Variants in ZYG11A observed in about 807,000 individuals in gnomAD.
ZYG11A encodes the protein zyg-11 family member A, cell cycle regulator.
A neutral mutation model predicts 77.2 loss-of-function variants in ZYG11A; 62 were observed. The observed-to-expected ratio is 0.80, with a 90% confidence interval of 0.65 to 0.99. ZYG11A has a LOEUF of 0.99. Ranked by LOEUF, ZYG11A falls within the 50% of genes least tolerant of loss-of-function variation. ZYG11A has a pLI of 0.00. For synonymous variants in ZYG11A, 315 were observed against 324.6 expected (o/e 0.97, Z 0.32); for missense variants, 828 against 896.8 (o/e 0.92, Z 0.98).
At chr1:52,859,232 A>G (rs1439444504) in intron 3 of ZYG11A, among the ~76,000 whole-genome samples, 1 of 152,012 alleles carries the variant, frequency 6.6e-6, no homozygotes, top group Non-Finnish European at 1.5e-5. Flanking sequence ...CAGTGGTCCG[A>G]TCTTGGCTCA....
intron 10 of ZYG11A, among the ~76,000 whole-genome samples, chr1:52,880,931 G>C (rs1316477180): frequency 6.6e-6 from 1 of 152,160 alleles, no homozygotes; most frequent in Non-Finnish European, 1.5e-5. Context: ...ACAGAAACCA[G>C]GGAATCATAA....
At chr1:52,883,397 TA>T (rs1305549865) in intron 11 of ZYG11A, among the ~76,000 whole-genome samples, 1 of 151,696 alleles carries the variant, frequency 6.6e-6, no homozygotes, top group African/African-American at 2.4e-5. Flanking sequence ...GTGCTAGGAT[TA>T]CAGGTGTGAG....
At chr1:52,860,023 G>A (rs1197709587) in intron 3 of ZYG11A, among the ~76,000 whole-genome samples, 1 of 152,076 alleles carries the variant, frequency 6.6e-6, no homozygotes, top group Admixed American at 6.6e-5. Flanking sequence ...TTGAAATTGG[G>A]TAATGTGACT....
intron 11 of ZYG11A, 196 bp downstream of exon 11, chr1:52,881,861 C>A: frequency 6.7e-6 from 3 of 450,574 alleles, no homozygotes; most frequent in Middle Eastern, 6.1e-4. Context: ...TCCTCTTTCT[C>A]ATCAGCTTTT....
intron 13 of ZYG11A, among the ~76,000 whole-genome samples, chr1:52,887,426 T>C (rs1362579245): frequency 6.6e-6 from 1 of 152,168 alleles, no homozygotes; most frequent in Non-Finnish European, 1.5e-5. Context: ...CATGCTGTCC[T>C]ATAGCTTGGT....
intron 1 of ZYG11A, among the ~76,000 whole-genome samples, chr1:52,847,748 C>T (rs191553452): frequency 2.3e-4 from 35 of 151,166 alleles, no homozygotes; most frequent in Admixed American, 7.9e-4. Flanking sequence ...CGGTTCGCTG[C>T]AACCTCTGCC....
rs1325973925 is a variant in ZYG11A at position 52,894,310 on chromosome 1, C to T, written c.*1353C>T. The T allele has an allele frequency of 1.3e-5, 2 of 152,132 alleles. No individual in the cohort carries two copies. The highest frequency in any genetic ancestry group is 2.9e-5 in the Non-Finnish European group (2 of 68,024). 9.4% of individuals were successfully genotyped at this position (152,132 alleles called of 1,614,324 possible). On this transcript the variant is annotated 3_prime_UTR_variant, in exon 14 of 14. Coordinates refer to ENST00000371528, the MANE Select transcript of ZYG11A (RefSeq NM_001004339.3). ...ACCATGACCAAAAATGGTAGGAAGA[C>T]GAAAGGCCAGAAAGAGACTTTGCCA...
At chr1:52,887,125 ATGGATGTGC>A in intron 13 of ZYG11A, 72 bp downstream of exon 13, 1 of 796,938 alleles carries the variant, frequency 1.3e-6, no homozygotes, top group African/African-American at 1.7e-5. Context: ...TAAGTTCAAG[ATGGATGTGC>A]AAAAATTGTC....
At chr1:52,846,305 A>AATTTATTT (rs1558155650) in intron 1 of ZYG11A, among the ~76,000 whole-genome samples, 2 of 37,380 alleles carry the variant, frequency 5.4e-5, no homozygotes, top group African/African-American at 1.5e-4. Flanking sequence ...TGGCTTTTTA[A>AATTTATTT]ATTTTTATAT....
intron 5 of ZYG11A, among the ~76,000 whole-genome samples, chr1:52,865,858 A>G (rs1413814165): frequency 1.3e-5 from 2 of 151,694 alleles, no homozygotes; most frequent in Admixed American, 1.3e-4. Context: ...GAAGTATTAT[A>G]TCTTGATTGT....
At chr1:52,845,269 C>T (rs1384934078) in intron 1 of ZYG11A, among the ~76,000 whole-genome samples, 4 of 149,980 alleles carry the variant, frequency 2.7e-5, no homozygotes, top group East Asian at 3.9e-4. Flanking sequence ...CTCTTGTAAA[C>T]AGCAATCTTG....
At chr1:52,870,248 C>A (rs551710559) in intron 8 of ZYG11A, among the ~76,000 whole-genome samples, 5 of 143,336 alleles carry the variant, frequency 3.5e-5, no homozygotes, top group Non-Finnish European at 7.8e-5. Flanking sequence ...AGAGACGCTC[C>A]TCACTTTCCA....
intron 8 of ZYG11A, among the ~76,000 whole-genome samples, chr1:52,874,774 G>A (rs1646233180): frequency 6.6e-6 from 1 of 152,184 alleles, no homozygotes; most frequent in Non-Finnish European, 1.5e-5. Flanking sequence ...GGCTGAGGCA[G>A]GAGAATCCCT....
Position 52,857,704 on chromosome 1 carries a change from G to A in ZYG11A, c.963G>A (p.Thr321=), listed in dbSNP as rs776280042. 127 of 1,551,842 alleles carry A rather than the reference G, an allele frequency of 8.2e-5. 2 individuals carry two copies. In the South Asian group the frequency reaches 1.3e-3, roughly 15 times the overall value. The change falls in exon 3 of 14, where the codon ACG becomes ACA. Residue 321 remains threonine (T), a synonymous_variant. Coordinates refer to ENST00000371528, the MANE Select transcript of ZYG11A (RefSeq NM_001004339.3). The part of the protein sequence containing the change: ...PAMQFVGLLA[T]DAGSSDFFTT... ...TGCAATTTGTGGGACTATTGGCCAC[G>A]GATGCTGGCTCTTCTGACTTCTTTA... is the stretch of plus-strand genomic sequence containing the variant.
At chr1:52,864,350 A>G (rs531864509) in intron 5 of ZYG11A, among the ~76,000 whole-genome samples, 193 bp downstream of exon 5, 14 of 152,150 alleles carry the variant, frequency 9.2e-5, no homozygotes, top group Non-Finnish European at 1.9e-4. Flanking sequence ...GGTTCAAGCA[A>G]TTCTCCTGCT....
At chr1:52,888,006 C>T (rs1269216775) in intron 13 of ZYG11A, among the ~76,000 whole-genome samples, 1 of 152,072 alleles carries the variant, frequency 6.6e-6, no homozygotes, top group East Asian at 1.9e-4. Context: ...TGTTGACTAG[C>T]TGTAAAGCAA....
intron 5 of ZYG11A, among the ~76,000 whole-genome samples, chr1:52,864,926 C>T (rs115628311): frequency 0.012 from 1,776 of 151,880 alleles, 25 homozygotes; most frequent in African/African-American, 0.041. Flanking sequence ...TCTGGGATTA[C>T]AGACGTGAGC....
chr1:52,894,949 T>C lies in ZYG11A; in HGVS notation c.*1992T>C, dbSNP rs533019184. On this transcript the variant is annotated 3_prime_UTR_variant, in exon 14 of 14. Coordinates refer to ENST00000371528, the MANE Select transcript of ZYG11A (RefSeq NM_001004339.3). Reference sequence around the variant, plus strand: ...TCAAGTTCTGTGTCATTCACAACAATCCTCACGGGTAGGTGAGTTTTATTT... The same window carrying C: ...TCAAGTTCTGTGTCATTCACAACAACCCTCACGGGTAGGTGAGTTTTATTT... 2.0e-5 allele frequency: 3 copies of C among 152,314 alleles called. No homozygotes were observed. In the East Asian group the frequency reaches 5.8e-4, roughly 29 times the overall value. The allele number at this position is 152,314 out of a possible 1,614,324, so 9.4% of individuals were successfully genotyped here.
chr1:52,862,660 A>G lies in ZYG11A; in HGVS notation c.1150-1321A>G, dbSNP rs528904204. ...CAGTAAGCTATGATGGTGCCACTAT[A>G]CTCCAGCCTGGGTAACAGAGCGAGA... is the stretch of plus-strand genomic sequence containing the variant. On this transcript the variant is annotated intron_variant, in intron 4 of 13. Transcript: ENST00000371528. 7.8e-4 allele frequency among the ~76,000 whole-genome samples: 118 copies of G among 152,092 alleles called. 1 individual carries two copies. In the South Asian group the frequency reaches 0.011, roughly 15 times the overall value.
Sources: allele counts gnomAD v4.1 joint callset (sites outside exome capture counted in the v4.1 genomes callset), GRCh38; gene constraint gnomAD v4.1.1; transcripts MANE v1.5; gene names NCBI Gene and HGNC (gene_info 2026-07-23, HGNC 2026-07-21).